TTC39A: variants seen among roughly 807,000 people sequenced by gnomAD.
The protein encoded by TTC39A is tetratricopeptide repeat domain 39A, also known as tetratricopeptide repeat protein 39A.
In TTC39A, 46 loss-of-function variants were observed where a neutral mutation model predicts 82.3. That is an observed-to-expected ratio of 0.56 (90% CI 0.44 to 0.71). The LOEUF is 0.71. TTC39A is among the 30% of genes least tolerant of loss of function. TTC39A has a pLI of 0.00. For synonymous variants in TTC39A, 254 were observed against 275.2 expected (o/e 0.92, Z 0.76); for missense variants, 543 against 712.9 (o/e 0.76, Z 2.71).
At chr1:51,333,380 C>G (rs549392773), upstream of TTC39A, among the ~76,000 whole-genome samples, 1 of 152,350 alleles carries the variant, frequency 6.6e-6, no homozygotes, top group Non-Finnish European at 1.5e-5. Context: ...AATTGAAACA[C>G]TTCTGGTCCA....
At chr1:51,328,565 A>G (rs1409395479) in intron 1 of TTC39A, among the ~76,000 whole-genome samples, 1 of 152,246 alleles carries the variant, frequency 6.6e-6, no homozygotes, top group Non-Finnish European at 1.5e-5. Context: ...AAAAGAATAA[A>G]AACAGAGAAA....
intron 1 of TTC39A, among the ~76,000 whole-genome samples, chr1:51,338,525 A>G (rs1192151060): frequency 6.6e-6 from 1 of 151,142 alleles, no homozygotes; most frequent in Non-Finnish European, 1.5e-5. Context: ...TGGAGGGAGC[A>G]GTGGCAAGCA....
chr1:51,344,821 G>C (rs1200269303), intron 1 of TTC39A, among the ~76,000 whole-genome samples: 3 of 152,232 alleles, frequency 2.0e-5, no homozygotes, highest in Non-Finnish European at 1.5e-5. Flanking sequence ...AGAGAGCAGG[G>C]GGCGCGCGGC....
intron 14 of TTC39A, 120 bp from the exon 15 acceptor site, chr1:51,290,745 T>A (rs1374471749): frequency 2.7e-6 from 2 of 731,652 alleles, no homozygotes; most frequent in Non-Finnish European, 4.5e-6. Flanking sequence ...GCTCTAATCA[T>A]CCATGACAGG....
chr1:51,292,933 A>T (rs1644276767), intron 14 of TTC39A, among the ~76,000 whole-genome samples: 1 of 152,360 alleles, frequency 6.6e-6, no homozygotes, highest in African/African-American at 2.4e-5. Flanking sequence ...TAATCACATA[A>T]ATCATTTAAT....
chr1:51,294,671 A>T lies in TTC39A; in HGVS notation c.1146-160T>A, dbSNP rs1644347847. On this transcript the variant is annotated intron_variant, in intron 13 of 17. Coordinates refer to ENST00000680483, the MANE Select transcript of TTC39A (RefSeq NM_001297663.2). The surrounding 1 kb of genome is among the most constrained non-coding windows in gnomAD (Gnocchi z 4.3). ...CTAAAGAGCCTTCTAGGTCTGAAAT[A>T]GCCTGCGGCTATAATTTTAGAGACC... 6.6e-6 allele frequency among the ~76,000 whole-genome samples: 1 copy of T among 152,192 alleles called. No individual in the cohort carries two copies. Among genetic ancestry groups the T allele is most frequent in the Non-Finnish European group, 1.5e-5 (1 of 68,032 alleles).
In TTC39A at chr1:51,305,879, G is replaced by A; in HGVS notation, c.588+98C>T. ...GATCCTGGTGCCCAGCACACAGCCA[G>A]GTGCAGGGGCACTTGGCAGTGACCA... is the stretch of plus-strand genomic sequence containing the variant. On this transcript the variant is annotated intron_variant, in intron 7 of 17. Transcript: ENST00000680483. The A allele has an allele frequency of 4.1e-6, 5 of 1,207,364 alleles. No individual in the cohort carries two copies. In the South Asian group the frequency reaches 6.5e-5, roughly 16 times the overall value. 74.8% of individuals were successfully genotyped at this position (1,207,364 alleles called of 1,614,324 possible). A position where few individuals can be genotyped will look rare whatever the true frequency, so the allele number is the denominator to read the frequency against.
intron 1 of TTC39A, among the ~76,000 whole-genome samples, chr1:51,328,073 C>A (rs112009467): frequency 6.6e-6 from 1 of 152,240 alleles, no homozygotes; most frequent in Non-Finnish European, 1.5e-5. Flanking sequence ...GTGGGCCAGG[C>A]GCAGTGGCTT....
chr1:51,334,037 G>A (rs184949042), upstream of TTC39A, among the ~76,000 whole-genome samples: 7 of 152,020 alleles, frequency 4.6e-5, no homozygotes, highest in Non-Finnish European at 7.4e-5. Flanking sequence ...TAATATTGCC[G>A]ACTTCCAAGG....
chr1:51,296,072 G>A lies in TTC39A; in HGVS notation c.1145+7C>T, dbSNP rs1459675631. 4 of 1,573,186 alleles carry A rather than the reference G, an allele frequency of 2.5e-6. No individual in the cohort carries two copies. Among genetic ancestry groups the A allele is most frequent in the Non-Finnish European group, 3.5e-6 (4 of 1,159,006 alleles). ...CCTACACAGTGGGAGCACGATGTGG[G>A]ACCCACCGAAATAATTCCACTTCGT... On this transcript the variant is annotated splice_region_variant and intron_variant, in intron 13 of 17. Transcript: ENST00000680483.
intron 9 of TTC39A, 47 bp downstream of exon 9, chr1:51,303,037 T>G: frequency 5.9e-6 from 9 of 1,514,704 alleles, no homozygotes; most frequent in Non-Finnish European, 8.1e-6. Context: ...TCCTTCCCCC[T>G]TGGAGACGAC....
Position 51,294,531 on chromosome 1 carries a change from G to C in TTC39A, c.1146-20C>G, listed in dbSNP as rs753342742. On this transcript the variant is annotated intron_variant, in intron 13 of 17. Coordinates refer to ENST00000680483, the MANE Select transcript of TTC39A (RefSeq NM_001297663.2). The surrounding 1 kb of genome is among the most constrained non-coding windows in gnomAD (Gnocchi z 4.3). ...ACAGCTCTGCGAAAGAGATGGGGAG[G>C]GTGGGAGAGGATGAAAAAGAGCAGG... is the stretch of plus-strand genomic sequence containing the variant. 5.6e-6 allele frequency: 9 copies of C among 1,613,474 alleles called. No individual in the cohort carries two copies. Among genetic ancestry groups the C allele is most frequent in the Non-Finnish European group, 6.8e-6 (8 of 1,179,806 alleles).
At position 51,289,991 on chromosome 1, in the gene TTC39A, G is replaced by T. The variant is rs765283704; in HGVS notation, c.1493+14C>A. The T allele has an allele frequency of 1.9e-5, 31 of 1,606,272 alleles. No homozygotes were observed. Among genetic ancestry groups the T allele is most frequent in the Non-Finnish European group, 2.6e-5 (30 of 1,174,726 alleles). ...AGACTCAGACCCAGAAGGAGCAGCT[G>T]CAGAGGCACTTACTTGGCAGAGATG... On this transcript the variant is annotated intron_variant, in intron 16 of 17. Coordinates refer to ENST00000680483, the MANE Select transcript of TTC39A (RefSeq NM_001297663.2).
chr1:51,331,042 T>G, upstream of TTC39A: 1 of 826,360 alleles, frequency 1.2e-6, no homozygotes, highest in Non-Finnish European at 2.0e-6. Flanking sequence ...GGTTTAGCAC[T>G]CACTGCTAGC....
chr1:51,291,204 G>A (rs187528202), intron 14 of TTC39A, among the ~76,000 whole-genome samples: 1 of 151,826 alleles, frequency 6.6e-6, no homozygotes, highest in African/African-American at 2.4e-5. Context: ...AAAAAATTTG[G>A]GGGGGGCCAG....
intron 14 of TTC39A, among the ~76,000 whole-genome samples, chr1:51,291,561 G>A (rs1410005775): frequency 2.1e-5 from 3 of 141,808 alleles, no homozygotes; most frequent in Non-Finnish European, 3.0e-5. Flanking sequence ...TAGGCAGGTG[G>A]ATCATAATCA....
intron 16 of TTC39A, 121 bp from the exon 17 acceptor site, chr1:51,289,076 T>C: frequency 1.2e-6 from 1 of 839,222 alleles, no homozygotes; most frequent in Non-Finnish European, 1.9e-6. Flanking sequence ...CTAGAAAGGC[T>C]GGGATCCATA....
At chr1:51,318,310 G>C (rs983865522) in intron 2 of TTC39A, among the ~76,000 whole-genome samples, 6 of 152,284 alleles carry the variant, frequency 3.9e-5, no homozygotes, top group African/African-American at 1.4e-4. Flanking sequence ...GAGCTGGAGA[G>C]CCTTCCAAGA....
chr1:51,310,660 C>CA (rs1192223219), intron 5 of TTC39A, among the ~76,000 whole-genome samples: 2 of 152,192 alleles, frequency 1.3e-5, no homozygotes, highest in Non-Finnish European at 2.9e-5. Context: ...TCGTTCTCAT[C>CA]ATTCCCACCG....
Sources: allele counts gnomAD v4.1 joint callset (sites outside exome capture counted in the v4.1 genomes callset), GRCh38; gene constraint gnomAD v4.1.1; non-coding constraint Gnocchi (gnomAD v3.1); transcripts MANE v1.5; gene names NCBI Gene and HGNC (gene_info 2026-07-23, HGNC 2026-07-21).